TRAF3IP1: variants seen among roughly 807,000 people sequenced by gnomAD.
TRAF3IP1 encodes the protein TRAF3-interacting protein 1.
A neutral mutation model predicts 89.9 loss-of-function variants in TRAF3IP1; 53 were observed. The ratio of observed to expected loss-of-function variants is 0.59; its 90% CI spans 0.47 to 0.74. TRAF3IP1 has a LOEUF of 0.74. TRAF3IP1 is among the 30% of genes least tolerant of loss of function. The pLI, the probability that TRAF3IP1 is intolerant of heterozygous loss-of-function variation, is 0.00. For missense variants in TRAF3IP1, 806 were observed against 866.1 expected (o/e 0.93, Z 0.87); for synonymous variants, 311 against 322.1 (o/e 0.97, Z 0.37).
intron 15 of TRAF3IP1, among the ~76,000 whole-genome samples, chr2:238,358,519 G>A (rs1699522290): frequency 6.6e-6 from 1 of 152,166 alleles, no homozygotes; most frequent in Admixed American, 6.5e-5. Flanking sequence ...TTGGATGACA[G>A]AGCAAGCCTG....
intron 14 of TRAF3IP1, among the ~76,000 whole-genome samples, chr2:238,354,465 T>A (rs568801885): frequency 9.9e-5 from 15 of 152,266 alleles, no homozygotes; most frequent in Non-Finnish European, 2.1e-4. Context: ...ATTCTTTGGT[T>A]TTATATATGC....
rs571496714 is a variant in TRAF3IP1, at chr2:238,356,166, A to G, written c.1689+86A>G. 484 of 1,067,952 alleles carry G rather than the reference A, an allele frequency of 4.5e-4. 3 individuals carry two copies. In the Admixed American group the frequency reaches 6.1e-3, roughly 13 times the overall value. 66.2% of individuals were successfully genotyped at this position (1,067,952 alleles called of 1,614,324 possible). On this transcript the variant is annotated intron_variant, in intron 15 of 16. Coordinates refer to ENST00000373327, the MANE Select transcript of TRAF3IP1 (RefSeq NM_015650.4). Reference sequence around the variant, plus strand: ...CTTTTACAAGTTGGAGCATCTTTCAATATTACCATTATCAGTGATGTCTGT... The same window carrying G: ...CTTTTACAAGTTGGAGCATCTTTCAGTATTACCATTATCAGTGATGTCTGT...
intron 8 of TRAF3IP1, among the ~76,000 whole-genome samples, chr2:238,339,401 T>C (rs1271636311): frequency 2.0e-5 from 3 of 152,192 alleles, no homozygotes; most frequent in Non-Finnish European, 4.4e-5. Context: ...TTCAACCACA[T>C]CTTGGTGATG....
chr2:238,381,797 G>A (rs1420985592), intron 15 of TRAF3IP1, among the ~76,000 whole-genome samples: 1 of 152,200 alleles, frequency 6.6e-6, no homozygotes, highest in East Asian at 1.9e-4. Context: ...CGTGGGCATG[G>A]GGTGGGATAC....
intron 15 of TRAF3IP1, among the ~76,000 whole-genome samples, chr2:238,380,806 T>C (rs937176978): frequency 1.1e-4 from 16 of 152,210 alleles, no homozygotes; most frequent in African/African-American, 3.9e-4. Context: ...ATTAGAAGAA[T>C]GCAAGAAAAT....
At chr2:238,334,169 G>C (rs190631404) in intron 7 of TRAF3IP1, 134 bp downstream of exon 7, 3 of 696,146 alleles carry the variant, frequency 4.3e-6, no homozygotes, top group South Asian at 1.9e-5. Flanking sequence ...AATGAACAGC[G>C]TGTGGAAATA....
rs372569231 is a variant in TRAF3IP1 at position 238,391,956 on chromosome 2, G to T, written c.1690-5503G>T. Among the ~76,000 whole-genome samples the T allele has an allele frequency of 2.0e-5, 3 of 152,028 alleles. No individual in the cohort carries two copies. In the East Asian group the frequency reaches 5.8e-4, roughly 29 times the overall value. ...ATAAAGACAATATATTTTTCTCTTG[G>T]GAAGTAGCTTATTTTATTGAATTCA... On this transcript the variant is annotated intron_variant, in intron 15 of 16. Coordinates refer to ENST00000373327, the MANE Select transcript of TRAF3IP1 (RefSeq NM_015650.4).
chr2:238,344,664 C>T, intron 9 of TRAF3IP1, 66 bp downstream of exon 9: 1 of 1,378,996 alleles, frequency 7.3e-7, no homozygotes, highest in East Asian at 2.3e-5. Flanking sequence ...ACCTTCTTCT[C>T]AAAGGGCCGC....
At chr2:238,373,178 T>C (rs1208307188) in intron 15 of TRAF3IP1, among the ~76,000 whole-genome samples, 1 of 152,214 alleles carries the variant, frequency 6.6e-6, no homozygotes, top group Non-Finnish European at 1.5e-5. Context: ...TGCCATTGCT[T>C]TTGGTGTTTT....
At chr2:238,321,888 C>G (rs1209337882) in intron 1 of TRAF3IP1, among the ~76,000 whole-genome samples, 1 of 152,226 alleles carries the variant, frequency 6.6e-6, no homozygotes, top group African/African-American at 2.4e-5. Context: ...GTGCCTTATT[C>G]TTGCACAGAC....
chr2:238,371,859 A>G (rs558756917), intron 15 of TRAF3IP1, among the ~76,000 whole-genome samples: 82 of 152,396 alleles, frequency 5.4e-4, no homozygotes, highest in African/African-American at 1.9e-3. Flanking sequence ...AAGTGAAACT[A>G]GTAGAAAATA....
At chr2:238,391,959 A>C (rs534790243) in intron 15 of TRAF3IP1, among the ~76,000 whole-genome samples, 4 of 152,348 alleles carry the variant, frequency 2.6e-5, no homozygotes, top group Admixed American at 1.3e-4. Context: ...TCTCTTGGGA[A>C]GTAGCTTATT....
chr2:238,366,709 G>A (rs1355977390), intron 15 of TRAF3IP1, among the ~76,000 whole-genome samples: 3 of 151,986 alleles, frequency 2.0e-5, no homozygotes, highest in African/African-American at 7.3e-5. Flanking sequence ...ACCCTTTTCT[G>A]TGCTTTGCAT....
At chr2:238,377,262 G>A (rs505646) in intron 15 of TRAF3IP1, among the ~76,000 whole-genome samples, 1,671 of 130,370 alleles carry the variant, frequency 0.013, 11 homozygotes, top group Non-Finnish European at 0.02. Flanking sequence ...TTGAGACAGG[G>A]CCTCCCTGTC....
chr2:238,365,383 C>G (rs1699830829), intron 15 of TRAF3IP1, among the ~76,000 whole-genome samples: 1 of 152,062 alleles, frequency 6.6e-6, no homozygotes, highest in South Asian at 2.1e-4. Context: ...AAAAATGGGC[C>G]AGGCGCGGTG....
intron 15 of TRAF3IP1, among the ~76,000 whole-genome samples, chr2:238,394,717 A>G (rs1456621450): frequency 6.6e-6 from 1 of 152,190 alleles, no homozygotes; most frequent in Non-Finnish European, 1.5e-5. Context: ...AACACTTTCT[A>G]TGTGCCAGGC....
At position 238,390,763 on chromosome 2, in the gene TRAF3IP1, T is replaced by G. The variant is rs79524982; in HGVS notation, c.1690-6696T>G. ...AAGGATAAATATTATTATTTCCATTTTCTTGTGAGGAAGCTGAGGTACAGA... is the reference window on the plus strand; with the variant it reads ...AAGGATAAATATTATTATTTCCATTGTCTTGTGAGGAAGCTGAGGTACAGA... On this transcript the variant is annotated intron_variant, in intron 15 of 16. Coordinates refer to ENST00000373327, the MANE Select transcript of TRAF3IP1 (RefSeq NM_015650.4). 4.8e-3 allele frequency among the ~76,000 whole-genome samples: 725 copies of G among 152,250 alleles called. 6 individuals carry two copies. Among genetic ancestry groups the G allele is most frequent in the African/African-American group, 0.017 (701 of 41,536 alleles).
At chr2:238,332,406 C>T (rs1028294696) in intron 5 of TRAF3IP1, among the ~76,000 whole-genome samples, 5 of 152,150 alleles carry the variant, frequency 3.3e-5, no homozygotes, top group Admixed American at 6.5e-5. Context: ...ATAAAGTTAG[C>T]CTGTGATCAG....
intron 11 of TRAF3IP1, among the ~76,000 whole-genome samples, chr2:238,349,087 T>G (rs1699029891): frequency 6.6e-6 from 1 of 152,178 alleles, no homozygotes; most frequent in African/African-American, 2.4e-5. Flanking sequence ...TGTGATGTTT[T>G]GATTAGTGAC....
Sources: allele counts gnomAD v4.1 joint callset (sites outside exome capture counted in the v4.1 genomes callset), GRCh38; gene constraint gnomAD v4.1.1; transcripts MANE v1.5; gene names NCBI Gene and HGNC (gene_info 2026-07-23, HGNC 2026-07-21).